Variants in CTNNA2 observed in about 807,000 individuals in gnomAD.
The protein encoded by CTNNA2 is catenin alpha 2, also known as catenin alpha-2.
CTNNA2 carries 42 observed loss-of-function variants against 101.0 expected under a neutral mutation model. That is an observed-to-expected ratio of 0.42 (90% CI 0.32 to 0.54). The LOEUF (loss-of-function observed/expected upper bound fraction) is 0.54. CTNNA2 is among the 20% of genes least tolerant of loss of function. The pLI, the probability that CTNNA2 is intolerant of heterozygous loss-of-function variation, is 0.14. For missense variants in CTNNA2, 871 were observed against 1,223.1 expected (o/e 0.71, Z 4.29); for synonymous variants, 450 against 456.4 (o/e 0.99, Z 0.18).
rs549390107 is a variant in CTNNA2 at position 79,805,344 on chromosome 2, A to G, written c.299-52669A>G. On this transcript the variant is annotated intron_variant, in intron 3 of 18. Coordinates refer to ENST00000402739, the MANE Select transcript of CTNNA2 (RefSeq NM_001282597.3). ...AAATGTCTTCGTTTCATCTGCTCCT[A>G]GTGAAGGTTATTTTATACAATATTT... Among the ~76,000 whole-genome samples the G allele has an allele frequency of 1.2e-4, 19 of 152,274 alleles. No individual in the cohort carries two copies. In the South Asian group the frequency reaches 3.3e-3, roughly 27 times the overall value.
At chr2:79,994,902 A>C (rs1302967088) in intron 7 of CTNNA2, among the ~76,000 whole-genome samples, 1 of 152,162 alleles carries the variant, frequency 6.6e-6, no homozygotes, top group Non-Finnish European at 1.5e-5. Context: ...AGGCTGTACC[A>C]GGAGGTGCCC....
intron 2 of CTNNA2, among the ~76,000 whole-genome samples, chr2:79,310,527 A>G (rs1051221686): frequency 1.3e-5 from 2 of 152,220 alleles, no homozygotes; most frequent in Non-Finnish European, 2.9e-5. Context: ...AGACTACTGA[A>G]GAAATCTTGT....
intron 1 of CTNNA2, among the ~76,000 whole-genome samples, chr2:79,597,749 A>G (rs1473297133): frequency 2.0e-5 from 3 of 152,324 alleles, no homozygotes; most frequent in African/African-American, 7.2e-5. Context: ...CTATAGTGGT[A>G]TATTTGTTAC....
At chr2:80,530,395 G>A (rs966489120) in intron 9 of CTNNA2, among the ~76,000 whole-genome samples, 1 of 152,224 alleles carries the variant, frequency 6.6e-6, no homozygotes, top group East Asian at 1.9e-4. Context: ...CAGCTCGGGA[G>A]AGACTTGTGA....
chr2:80,215,239 G>A (rs901978227), intron 7 of CTNNA2, among the ~76,000 whole-genome samples: 11 of 152,042 alleles, frequency 7.2e-5, no homozygotes, highest in African/African-American at 2.4e-4. Flanking sequence ...TGTTATTACC[G>A]ATCATCTGAA....
At chr2:79,982,489 A>ACACACACACACATGCACG (rs1691449547) in intron 7 of CTNNA2, among the ~76,000 whole-genome samples, 2 of 150,232 alleles carry the variant, frequency 1.3e-5, no homozygotes, top group Non-Finnish European at 3.0e-5. Flanking sequence ...ACACACACAC[A>ACACACACACACATGCACG]CACACACACA....
intron 3 of CTNNA2, among the ~76,000 whole-genome samples, chr2:79,843,158 G>T (rs1479195989): frequency 6.6e-6 from 1 of 152,216 alleles, no homozygotes; most frequent in African/African-American, 2.4e-5. Flanking sequence ...CCAGCTATTG[G>T]TGCCAAAGCA....
chr2:79,290,200 T>G (rs1675759378), intron 2 of CTNNA2, among the ~76,000 whole-genome samples: 1 of 152,152 alleles, frequency 6.6e-6, no homozygotes, highest in African/African-American at 2.4e-5. Context: ...ATGTTTAACA[T>G]TCATTGGACT....
chr2:79,971,204 C>T (rs1172324005), intron 7 of CTNNA2, among the ~76,000 whole-genome samples: 1 of 152,138 alleles, frequency 6.6e-6, no homozygotes, highest in African/African-American at 2.4e-5. Context: ...CTTGTAAACT[C>T]AAAAGCAAAT....
chr2:80,311,368 A>C (rs952334245), intron 7 of CTNNA2, among the ~76,000 whole-genome samples: 7 of 152,196 alleles, frequency 4.6e-5, no homozygotes, highest in African/African-American at 1.4e-4. Context: ...CCATGATACC[A>C]TAAATTAAAA....
At chr2:80,145,689 G>A (rs538796269) in intron 7 of CTNNA2, among the ~76,000 whole-genome samples, 3 of 152,294 alleles carry the variant, frequency 2.0e-5, no homozygotes, top group South Asian at 2.1e-4. Context: ...CCCTGGGAGC[G>A]TTTTCCTAGC....
rs756399817 is a variant in CTNNA2 at position 79,874,300 on chromosome 2, C to T, written c.810C>T (p.His270=). Residue 270 remains histidine (H), a synonymous_variant, in exon 6 of 19, where the codon CAC becomes CAT. Transcript: ENST00000402739. ...CGCCCACTGACGAAGCCAAGGGCCACACGGGCATCGGCGAGCTGGCTGCGG... is the reference window on the plus strand; with the variant it reads ...CGCCCACTGACGAAGCCAAGGGCCATACGGGCATCGGCGAGCTGGCTGCGG... ...ATSPTDEAKG[H]TGIGELAAAL... The T allele has an allele frequency of 6.8e-6, 11 of 1,613,774 alleles. No homozygotes were observed. Among genetic ancestry groups the T allele is most frequent in the Admixed American group, 1.7e-5 (1 of 59,982 alleles).
chr2:79,799,669 A>G (rs1320323790), intron 3 of CTNNA2, among the ~76,000 whole-genome samples: 4 of 152,208 alleles, frequency 2.6e-5, no homozygotes, highest in Non-Finnish European at 4.4e-5. Flanking sequence ...CGTAGGCTTT[A>G]AATTTTTTCT....
chr2:79,384,015 C>T (rs1040085506), intron 4 of CTNNA2, among the ~76,000 whole-genome samples: 16 of 151,928 alleles, frequency 1.1e-4, no homozygotes, highest in Admixed American at 2.6e-4. Flanking sequence ...GTGGGAAGGA[C>T]GTAGAGAAAT....
At chr2:79,768,524 C>G (rs931033507) in intron 3 of CTNNA2, among the ~76,000 whole-genome samples, 31 of 151,574 alleles carry the variant, frequency 2.0e-4, no homozygotes, top group African/African-American at 7.5e-4. Context: ...CTGCCTCCTC[C>G]CCAGCTTTCT....
intron 3 of CTNNA2, among the ~76,000 whole-genome samples, chr2:79,799,554 C>T (rs370113962): frequency 1.4e-4 from 21 of 152,198 alleles, no homozygotes; most frequent in South Asian, 6.2e-4. Context: ...AAATCCCCCA[C>T]GATTTTACTG....
intron 7 of CTNNA2, among the ~76,000 whole-genome samples, chr2:80,194,372 G>T (rs1272174376): frequency 6.6e-6 from 1 of 152,154 alleles, no homozygotes; most frequent in African/African-American, 2.4e-5. Context: ...TAAATACAGA[G>T]AAATTAATGT....
At chr2:79,652,530 G>C (rs534556641) in intron 2 of CTNNA2, among the ~76,000 whole-genome samples, 1 of 152,034 alleles carries the variant, frequency 6.6e-6, no homozygotes, top group East Asian at 1.9e-4. Context: ...TCTGACCTTT[G>C]CTTTTGTCCT....
At chr2:80,595,635 A>C (rs1052368390) in intron 15 of CTNNA2, among the ~76,000 whole-genome samples, 1 of 152,338 alleles carries the variant, frequency 6.6e-6, no homozygotes, top group South Asian at 2.1e-4. Context: ...AAGATGAAAT[A>C]AAACTGAAAC....
Sources: allele counts gnomAD v4.1 joint callset (sites outside exome capture counted in the v4.1 genomes callset), GRCh38; gene constraint gnomAD v4.1.1; transcripts MANE v1.5; gene names NCBI Gene and HGNC (gene_info 2026-07-23, HGNC 2026-07-21).